ZC3H12C: variants seen among roughly 807,000 people sequenced by gnomAD.
The protein encoded by ZC3H12C is probable ribonuclease ZC3H12C.
ZC3H12C carries 20 observed loss-of-function variants against 76.3 expected under a neutral mutation model. That is an observed-to-expected ratio of 0.26 (90% confidence interval 0.18 to 0.38). The LOEUF (loss-of-function observed/expected upper bound fraction) is 0.38, where lower values mean the gene tolerates loss of function less well. Among genes scored for constraint, ZC3H12C ranks in the 10% least tolerant of loss-of-function variants. ZC3H12C has a pLI of 1.00. For synonymous variants in ZC3H12C, 352 were observed against 399.6 expected (o/e 0.88, Z 1.42); for missense variants, 874 against 1,086.5 (o/e 0.80, Z 2.75).
chr11:110,131,439 G>C, intron 1 of ZC3H12C: 1 of 284,648 alleles, frequency 3.5e-6, no homozygotes, highest in Non-Finnish European at 6.6e-6. Context: ...ATCTTACCTT[G>C]TCAAAGTCTT....
chr11:110,120,192 AATGGTCTCTGGTCACAAC>A (rs1861628345), intron 1 of ZC3H12C, among the ~76,000 whole-genome samples: 1 of 152,196 alleles, frequency 6.6e-6, no homozygotes, highest in Admixed American at 6.5e-5. Context: ...TGCTAAGGGA[AATGGTCTCTGGTCACAAC>A]ATTTTTATCA....
chr11:110,163,436 CT>C lies in ZC3H12C; in HGVS notation c.1255+61del. 2.9e-6 allele frequency: 4 copies of C among 1,390,786 alleles called. No individual in the cohort carries two copies. In the Middle Eastern group the frequency reaches 5.4e-4, roughly 187 times the overall value. The allele number at this position is 1,390,786 out of a possible 1,614,324, so 86.2% of individuals were successfully genotyped here. A position where few individuals can be genotyped will look rare whatever the true frequency, so the allele number is the denominator to read the frequency against. On this transcript the variant is annotated intron_variant, in intron 5 of 5. Coordinates refer to ENST00000278590, the MANE Select transcript of ZC3H12C (RefSeq NM_033390.2). ...CTTTAGAACACAATATATTATTAAACTTTTGTTAACAAAAATGAACACTTAA... is the reference window on the plus strand; with the variant it reads ...CTTTAGAACACAATATATTATTAAACTTTGTTAACAAAAATGAACACTTAA...
At chr11:110,146,131 T>C (rs887351841) in intron 2 of ZC3H12C, among the ~76,000 whole-genome samples, 2 of 152,014 alleles carry the variant, frequency 1.3e-5, no homozygotes, top group Non-Finnish European at 2.9e-5. Context: ...GGACCACAGG[T>C]GCCCGCCACC....
chr11:110,093,692 TCGGGCGAGGTGAGGC>T (rs1861055490), intron 1 of ZC3H12C, among the ~76,000 whole-genome samples: 2 of 151,864 alleles, frequency 1.3e-5, no homozygotes, highest in African/African-American at 4.8e-5. Flanking sequence ...CGCCGGGATT[TCGGGCGAGGTGAGGC>T]CGGGCTTCCC....
chr11:110,118,267 G>A (rs17110756), intron 1 of ZC3H12C, among the ~76,000 whole-genome samples: 4,904 of 151,424 alleles, frequency 0.032, 159 homozygotes, highest in East Asian at 0.087. Context: ...TGATAAGGAC[G>A]AGGAAATCTG....
At chr11:110,103,234 T>C (rs1861252001) in intron 1 of ZC3H12C, among the ~76,000 whole-genome samples, 1 of 152,248 alleles carries the variant, frequency 6.6e-6, no homozygotes, top group Non-Finnish European at 1.5e-5. Flanking sequence ...AATACACATT[T>C]GTCTTTGAAG....
At position 110,111,550 on chromosome 11, in the gene ZC3H12C, T is replaced by C. The variant is rs1189906563; in HGVS notation, c.21+18118T>C. ...TTGCTTCCCCAGTAGCTTTTTTTTT[T>C]TTCTGAGACAAGTCTTGGTCACCCC... On this transcript the variant is annotated intron_variant, in intron 1 of 5. Transcript: ENST00000278590. Among the ~76,000 whole-genome samples the C allele has an allele frequency of 1.9e-3, 6 of 3,096 alleles. No individual in the cohort carries two copies. The Admixed American group carries it at 0.023, about 12-fold the overall frequency. 2.0% of individuals were successfully genotyped at this position (3,096 alleles called of 152,430 possible). A position where few individuals can be genotyped will look rare whatever the true frequency, so the allele number is the denominator to read the frequency against.
intron 1 of ZC3H12C, 128 bp downstream of exon 1, chr11:110,093,560 T>TCGC: frequency 3.2e-6 from 2 of 630,926 alleles, no homozygotes; most frequent in Middle Eastern, 5.8e-4. Flanking sequence ...CGCAGCGACC[T>TCGC]CGCCGTGTGA....
intron 1 of ZC3H12C, among the ~76,000 whole-genome samples, chr11:110,101,273 G>C (rs1460265328): frequency 6.6e-6 from 1 of 152,218 alleles, no homozygotes; most frequent in Non-Finnish European, 1.5e-5. Flanking sequence ...AAAAAAGCAA[G>C]AGTGTTAGGT....
intron 1 of ZC3H12C, among the ~76,000 whole-genome samples, chr11:110,097,193 A>C (rs1365550715): frequency 1.3e-5 from 2 of 152,228 alleles, no homozygotes; most frequent in African/African-American, 4.8e-5. Context: ...CTTAAGGAAA[A>C]ATGGAAACTA....
intron 2 of ZC3H12C, among the ~76,000 whole-genome samples, chr11:110,139,422 G>A (rs549336435): frequency 6.6e-6 from 1 of 152,320 alleles, no homozygotes; most frequent in East Asian, 1.9e-4. Flanking sequence ...CAAGAGTAGA[G>A]TTGTGCCTTA....
chr11:110,129,538 A>G (rs553462270), intron 1 of ZC3H12C, among the ~76,000 whole-genome samples: 3 of 152,192 alleles, frequency 2.0e-5, no homozygotes, highest in Non-Finnish European at 4.4e-5. Flanking sequence ...TTTGTGTATA[A>G]AAGGAGATTG....
intron 3 of ZC3H12C, 128 bp from the exon 4 acceptor site, chr11:110,159,128 A>T: frequency 1.5e-6 from 1 of 688,664 alleles, no homozygotes; most frequent in Middle Eastern, 2.5e-4. Context: ...TACAAATTAA[A>T]TCATAATCCC....
At chr11:110,131,294 A>G (rs1047801944) in intron 1 of ZC3H12C, 1 of 588,480 alleles carries the variant, frequency 1.7e-6, no homozygotes, top group Non-Finnish European at 3.0e-6. Context: ...ACACTTTTCT[A>G]GTCTAGAGTT....
chr11:110,108,207 C>T (rs575515174), intron 1 of ZC3H12C, among the ~76,000 whole-genome samples: 12 of 152,110 alleles, frequency 7.9e-5, no homozygotes, highest in Non-Finnish European at 1.5e-4. Flanking sequence ...CCTCCTGCCT[C>T]GGCCTCCTAA....
intron 1 of ZC3H12C, among the ~76,000 whole-genome samples, chr11:110,125,828 C>G (rs546018760): frequency 3.0e-4 from 45 of 152,316 alleles, no homozygotes; most frequent in Non-Finnish European, 6.3e-4. Context: ...CAGCTGTGCT[C>G]ATCAGATTCT....
rs979869348 is a variant in ZC3H12C at position 110,167,708 on chromosome 11, C to T, written c.*1971C>T. The T allele has an allele frequency of 1.1e-4, 17 of 152,112 alleles. No homozygotes were observed. Among genetic ancestry groups the T allele is most frequent in the African/African-American group, 2.9e-4 (12 of 41,426 alleles). The allele number at this position is 152,112 out of a possible 1,614,324, so 9.4% of individuals were successfully genotyped here. ...TATTGACATAACCAATAATCTGAAC[C>T]GTGTTCAGCAAACTTAATTCAGGAA... On this transcript the variant is annotated 3_prime_UTR_variant, in exon 6 of 6. Coordinates refer to ENST00000278590, the MANE Select transcript of ZC3H12C (RefSeq NM_033390.2).
intron 1 of ZC3H12C, among the ~76,000 whole-genome samples, chr11:110,132,019 A>G (rs1564013): frequency 0.63 from 95,427 of 152,054 alleles, 30,541 homozygotes; most frequent in Non-Finnish European, 0.7. Context: ...CTCAAATACA[A>G]TGGTAATTAA....
chr11:110,149,301 T>C (rs1361320061), intron 2 of ZC3H12C, among the ~76,000 whole-genome samples: 1 of 152,190 alleles, frequency 6.6e-6, no homozygotes, highest in Non-Finnish European at 1.5e-5. Context: ...CCTCGCCGTT[T>C]AAAAGATAAG....
Sources: allele counts gnomAD v4.1 joint callset (sites outside exome capture counted in the v4.1 genomes callset), GRCh38; gene constraint gnomAD v4.1.1; transcripts MANE v1.5; gene names NCBI Gene and HGNC (gene_info 2026-07-23, HGNC 2026-07-21).